USP22: variants seen among roughly 807,000 people sequenced by gnomAD.
USP22 encodes the protein ubiquitin carboxyl-terminal hydrolase 22.
In USP22, 22 loss-of-function variants were observed where a neutral mutation model predicts 68.1. That is an observed-to-expected ratio of 0.32 (90% CI 0.23 to 0.46). USP22 has a LOEUF of 0.46. Among genes scored for constraint, USP22 ranks in the 20% least tolerant of loss-of-function variants. USP22 has a pLI of 1.00. For synonymous variants in USP22, 279 were observed against 274.2 expected (o/e 1.02, Z -0.17); for missense variants, 433 against 695.8 (o/e 0.62, Z 4.25).
intron 2 of USP22, among the ~76,000 whole-genome samples, chr17:21,028,152 C>A (rs1370969547): frequency 6.6e-6 from 1 of 152,166 alleles, no homozygotes; most frequent in East Asian, 1.9e-4. Flanking sequence ...CATAAAATCA[C>A]CTATGCCCAC....
At position 21,008,276 on chromosome 17, in the gene USP22, G is replaced by C. The variant is rs75102973; in HGVS notation, c.1104-280C>G. Among the ~76,000 whole-genome samples, 666 of 152,256 alleles carry C rather than the reference G, an allele frequency of 4.4e-3. 7 individuals are homozygous for C. Among genetic ancestry groups the C allele is most frequent in the African/African-American group, 0.015 (631 of 41,536 alleles). ...TGACCCAGCAGTTGAATTTGAGCCA[G>C]AGAAATGAAAACTAATGTTCACACA... is the stretch of plus-strand genomic sequence containing the variant. On this transcript the variant is annotated intron_variant, in intron 8 of 12. Transcript: ENST00000261497.
At chr17:21,011,564 G>A (rs1913971075) in intron 7 of USP22, 3 of 456,652 alleles carry the variant, frequency 6.6e-6, no homozygotes, top group Admixed American at 3.8e-5. Flanking sequence ...TTCCCAGTCT[G>A]GAGACCATCA....
At chr17:21,008,455 C>G (rs1475792211) in intron 8 of USP22, among the ~76,000 whole-genome samples, 4 of 152,156 alleles carry the variant, frequency 2.6e-5, no homozygotes, top group African/African-American at 4.8e-5. Context: ...AACTACTGAT[C>G]CCAAGCTGTA....
intron 2 of USP22, among the ~76,000 whole-genome samples, chr17:21,026,767 C>G (rs1972225357): frequency 6.6e-6 from 1 of 151,682 alleles, no homozygotes; most frequent in Non-Finnish European, 1.5e-5. Flanking sequence ...GAGTTCAAGA[C>G]TAGCCTACGC....
At chr17:21,036,626 G>A (rs1972361615) in intron 1 of USP22, among the ~76,000 whole-genome samples, 1 of 152,024 alleles carries the variant, frequency 6.6e-6, no homozygotes, top group Non-Finnish European at 1.5e-5. Flanking sequence ...TGTCGACAGT[G>A]GGAGCCAGCA....
At position 21,042,841 on chromosome 17, in the gene USP22, G is replaced by T. The variant is rs371262917; in HGVS notation, c.-6C>A. On this transcript the variant is annotated 5_prime_UTR_variant, in exon 1 of 13. Coordinates refer to ENST00000261497, the MANE Select transcript of USP22 (RefSeq NM_015276.2). Reference sequence around the variant, plus strand: ...GGCTCTGGCCGGGACACCATGGGGGGCAAGGCCCGGCCGCGCGCGGGGGGC... The same window carrying T: ...GGCTCTGGCCGGGACACCATGGGGGTCAAGGCCCGGCCGCGCGCGGGGGGC... 2.3e-6 allele frequency: 3 copies of T among 1,290,150 alleles called. No homozygotes were observed. Among genetic ancestry groups the T allele is most frequent in the Admixed American group, 3.9e-5 (1 of 25,362 alleles). 79.9% of individuals were successfully genotyped at this position (1,290,150 alleles called of 1,614,324 possible).
chr17:21,005,657 G>A (rs114384538), intron 10 of USP22, among the ~76,000 whole-genome samples: 2,618 of 152,280 alleles, frequency 0.017, 61 homozygotes, highest in African/African-American at 0.058. Context: ...TCATCTGTGT[G>A]CCACAGGGGT....
intron 2 of USP22, among the ~76,000 whole-genome samples, chr17:21,027,292 C>CACAAAAAAAA (rs1972233329): frequency 1.4e-5 from 1 of 72,300 alleles, no homozygotes; most frequent in African/African-American, 5.0e-5. Flanking sequence ...ACCCTGTCTC[C>CACAAAAAAAA]AAAAAAAAAA....
intron 9 of USP22, among the ~76,000 whole-genome samples, chr17:21,007,522 G>C (rs1296550171): frequency 2.0e-5 from 3 of 152,180 alleles, no homozygotes; most frequent in African/African-American, 4.8e-5. Flanking sequence ...CCAACTCCTG[G>C]ACCAGATCTG....
intron 2 of USP22, among the ~76,000 whole-genome samples, chr17:21,027,555 A>T (rs2143610526): frequency 6.6e-6 from 1 of 152,300 alleles, no homozygotes. Context: ...CTATTCCCTA[A>T]AACAGGTATC....
intron 1 of USP22, among the ~76,000 whole-genome samples, chr17:21,040,951 C>T (rs1972421900): frequency 6.6e-6 from 1 of 150,692 alleles, no homozygotes; most frequent in Non-Finnish European, 1.5e-5. Context: ...GTGGCGCGAT[C>T]ACTGCTCACT....
At chr17:21,007,149 T>C (rs1475733436) in intron 9 of USP22, among the ~76,000 whole-genome samples, 162 bp from the exon 10 acceptor site, 1 of 152,192 alleles carries the variant, frequency 6.6e-6, no homozygotes, top group East Asian at 1.9e-4. Flanking sequence ...AAAAACACAG[T>C]GGCAATCCAC....
chr17:21,008,160 C>T (rs1051796416), intron 8 of USP22, among the ~76,000 whole-genome samples, 164 bp from the exon 9 acceptor site: 7 of 152,136 alleles, frequency 4.6e-5, no homozygotes, highest in African/African-American at 1.7e-4. Flanking sequence ...TGTTGTCCAC[C>T]TTTGCTGCCT....
At chr17:21,013,764 A>G (rs1159013671) in intron 6 of USP22, among the ~76,000 whole-genome samples, 1 of 152,232 alleles carries the variant, frequency 6.6e-6, no homozygotes, top group African/African-American at 2.4e-5. Context: ...ATATCCATAC[A>G]GGAAGGCGCA....
At chr17:21,018,230 C>T in intron 4 of USP22, 119 bp from the exon 5 acceptor site, 1 of 949,640 alleles carries the variant, frequency 1.1e-6, no homozygotes. Flanking sequence ...TCATTCAAGC[C>T]AGAACACGAT....
In USP22 at chr17:21,021,210, G is replaced by A. The variant is rs2291037; in HGVS notation, c.321C>T (p.Tyr107=). The change falls in exon 3 of 13, where the codon TAC becomes TAT. Residue 107 remains tyrosine, a synonymous_variant. Transcript: ENST00000261497. The part of the protein sequence containing the change: ...KRHNLAIDLM[Y]GGIYCFLCQD... ...GGCACAGAAAACAGTAGATGCCTCCGTACATCAGATCAATGGCTGAGGAGA... is the reference window on the plus strand; with the variant it reads ...GGCACAGAAAACAGTAGATGCCTCCATACATCAGATCAATGGCTGAGGAGA... 0.77 allele frequency: 1,232,624 copies of A among 1,610,746 alleles called. 478,386 individuals are homozygous for A. The highest frequency in any genetic ancestry group is 0.84 in the South Asian group (76,277 of 91,024).
chr17:21,002,491 C>T lies in USP22; in HGVS notation c.*540G>A, dbSNP rs1415887220. The T allele has an allele frequency of 2.6e-5, 4 of 153,612 alleles. No individual in the cohort carries two copies. The highest frequency in any genetic ancestry group is 9.7e-5 in the African/African-American group (4 of 41,434). 9.5% of individuals were successfully genotyped at this position (153,612 alleles called of 1,614,324 possible). A position where few individuals can be genotyped will look rare whatever the true frequency, so the allele number is the denominator to read the frequency against. On this transcript the variant is annotated 3_prime_UTR_variant, in exon 13 of 13. Transcript: ENST00000261497. ...AAACGCGACGTAGTGTCCGTACTTC[C>T]GAAGCTAGGAGGCTGCTTCACAGCC...
chr17:21,019,724 G>C (rs1005633930), intron 3 of USP22, among the ~76,000 whole-genome samples: 2 of 152,238 alleles, frequency 1.3e-5, no homozygotes, highest in Non-Finnish European at 2.9e-5. Flanking sequence ...CACACCCTAT[G>C]CGCTCAGAAG....
Position 21,032,331 on chromosome 17 carries a change from A to G in USP22, c.172-3657T>C, listed in dbSNP as rs115965300. On this transcript the variant is annotated intron_variant, in intron 1 of 12. Transcript: ENST00000261497. The stretch of plus-strand genomic sequence containing the variant: ...TATCCTGTTGTTAAACAATGCCAAC[A>G]CTGCATTATTATTTTTCCCCAATCT... Among the ~76,000 whole-genome samples, 833 of 149,698 alleles carry G rather than the reference A, an allele frequency of 5.6e-3. 8 individuals carry two copies. Among genetic ancestry groups the G allele is most frequent in the African/African-American group, 0.019 (791 of 40,598 alleles).
Sources: allele counts gnomAD v4.1 joint callset (sites outside exome capture counted in the v4.1 genomes callset), GRCh38; gene constraint gnomAD v4.1.1; transcripts MANE v1.5; gene names NCBI Gene and HGNC (gene_info 2026-07-23, HGNC 2026-07-21).